PPP6R3: variants seen among roughly 807,000 people sequenced by gnomAD.
PPP6R3 encodes protein phosphatase 6 regulatory subunit 3.
Under a neutral mutation model 110.7 loss-of-function variants are expected in PPP6R3, and 38 were observed. That is an observed-to-expected ratio of 0.34 (90% CI 0.26 to 0.45). The LOEUF is 0.45. Among genes scored for constraint, PPP6R3 ranks in the 20% least tolerant of loss-of-function variants. The pLI is 1.00. For missense variants in PPP6R3, 870 were observed against 1,062.4 expected (o/e 0.82, Z 2.52); for synonymous variants, 369 against 373.5 (o/e 0.99, Z 0.14).
At chr11:68,539,469 C>T (rs1252735501) in intron 3 of PPP6R3, among the ~76,000 whole-genome samples, 3 of 152,202 alleles carry the variant, frequency 2.0e-5, no homozygotes, top group Non-Finnish European at 4.4e-5. Context: ...AGAGCAAATG[C>T]ACCTCCTCTG....
At chr11:68,544,424 A>C (rs1311640448) in intron 3 of PPP6R3, among the ~76,000 whole-genome samples, 1 of 152,210 alleles carries the variant, frequency 6.6e-6, no homozygotes, top group Non-Finnish European at 1.5e-5. Context: ...CATGCAGTGC[A>C]GTTTCCTGGA....
chr11:68,472,096 C>G (rs889953640), intron 1 of PPP6R3, among the ~76,000 whole-genome samples: 1 of 151,988 alleles, frequency 6.6e-6, no homozygotes, highest in African/African-American at 2.4e-5. Flanking sequence ...GAAGACAGCA[C>G]GATTTGTTAT....
chr11:68,551,264 A>T lies in PPP6R3; in HGVS notation c.618+78A>T, dbSNP rs2099373165. The T allele has an allele frequency of 3.7e-6, 4 of 1,069,006 alleles. No homozygotes were observed. The African/African-American group carries it at 6.4e-5, about 17-fold the overall frequency. 66.2% of individuals were successfully genotyped at this position (1,069,006 alleles called of 1,614,324 possible). A position where few individuals can be genotyped will look rare whatever the true frequency, so the allele number is the denominator to read the frequency against. On this transcript the variant is annotated intron_variant, in intron 6 of 23. Transcript: ENST00000393800. ...TGTTTATTGGGCACAGAGCATACTT[A>T]TATTAAATGTGAACATGATCAGAGC... is the stretch of plus-strand genomic sequence containing the variant.
At chr11:68,468,446 C>T (rs2153230282) in intron 1 of PPP6R3, among the ~76,000 whole-genome samples, 1 of 152,324 alleles carries the variant, frequency 6.6e-6, no homozygotes, top group Non-Finnish European at 1.5e-5. Flanking sequence ...CTGTGAATGA[C>T]TGTCCCTTTT....
chr11:68,462,686 A>T (rs1213252453), intron 1 of PPP6R3, among the ~76,000 whole-genome samples: 1 of 152,182 alleles, frequency 6.6e-6, no homozygotes, highest in Non-Finnish European at 1.5e-5. Context: ...GGGAGTCTAG[A>T]ACATTGAACA....
Position 68,519,652 on chromosome 11 carries a change from G to A in PPP6R3, c.-7+1G>A. On this transcript the variant is annotated splice_donor_variant, in intron 2 of 23. Transcript: ENST00000393800. LOFTEE classifies it low-confidence loss of function (5UTR_SPLICE). ...TTAATTTTTAAACTTGGTTTGAAAGGTAAGACCATTACGATTAGCAGGAGT... is the reference window on the plus strand; with the variant it reads ...TTAATTTTTAAACTTGGTTTGAAAGATAAGACCATTACGATTAGCAGGAGT... 1 of 398,528 alleles carries A rather than the reference G, an allele frequency of 2.5e-6. No homozygotes were observed. The highest frequency in any genetic ancestry group is 4.4e-6 in the Non-Finnish European group (1 of 226,022). 24.7% of individuals were successfully genotyped at this position (398,528 alleles called of 1,614,324 possible).
chr11:68,549,488 G>T (rs2099362441), intron 5 of PPP6R3, among the ~76,000 whole-genome samples: 1 of 152,136 alleles, frequency 6.6e-6, no homozygotes, highest in Non-Finnish European at 1.5e-5. Context: ...ATCACTGTGA[G>T]TAAACAGCTG....
chr11:68,534,706 G>T (rs1184133524), intron 2 of PPP6R3, among the ~76,000 whole-genome samples: 8 of 152,118 alleles, frequency 5.3e-5, no homozygotes, highest in Admixed American at 5.2e-4. Flanking sequence ...TTATTTCTTA[G>T]TATTTTTCAT....
At chr11:68,560,186 G>A (rs962546328) in intron 8 of PPP6R3, among the ~76,000 whole-genome samples, 16 of 152,198 alleles carry the variant, frequency 1.1e-4, no homozygotes, top group African/African-American at 3.6e-4. Flanking sequence ...AAGGCAAACA[G>A]AAGGAAAGAA....
At chr11:68,612,928 A>G in intron 23 of PPP6R3, 138 bp from the exon 24 acceptor site, 6 of 1,462,140 alleles carry the variant, frequency 4.1e-6, no homozygotes, top group Non-Finnish European at 5.5e-6. Context: ...TCATTTACAT[A>G]TCATTTTATT....
At chr11:68,612,197 T>G (rs1943818316) in intron 23 of PPP6R3, among the ~76,000 whole-genome samples, 1 of 152,206 alleles carries the variant, frequency 6.6e-6, no homozygotes. Flanking sequence ...TCCAGAAGTC[T>G]CGATTCCTAT....
At chr11:68,532,367 A>G (rs2099245848) in intron 2 of PPP6R3, among the ~76,000 whole-genome samples, 1 of 152,222 alleles carries the variant, frequency 6.6e-6, no homozygotes, top group African/African-American at 2.4e-5. Flanking sequence ...CTGTGACATC[A>G]AGTAACAAAT....
rs1996 is a variant in PPP6R3 at position 68,615,123 on chromosome 11, C to T, written c.*2006C>T. Reference sequence around the variant, plus strand: ...TGGGGCATCATTTTGTTTTGTCTTTCGTAGCAGGGAAAGGATATGACAATG... The same window carrying T: ...TGGGGCATCATTTTGTTTTGTCTTTTGTAGCAGGGAAAGGATATGACAATG... On this transcript the variant is annotated 3_prime_UTR_variant, in exon 24 of 24. Transcript: ENST00000393800. 0.083 allele frequency: 38,281 copies of T among 458,780 alleles called. 1,956 individuals are homozygous for T. The highest frequency in any genetic ancestry group is 0.16 in the Middle Eastern group (495 of 3,080). The allele number at this position is 458,780 out of a possible 1,614,324, so 28.4% of individuals were successfully genotyped here.
At chr11:68,521,978 A>G (rs1409829251) in intron 2 of PPP6R3, among the ~76,000 whole-genome samples, 1 of 152,116 alleles carries the variant, frequency 6.6e-6, no homozygotes, top group East Asian at 1.9e-4. Flanking sequence ...TACATTTTTC[A>G]TCTTTGGAAA....
intron 14 of PPP6R3, among the ~76,000 whole-genome samples, chr11:68,581,120 T>G (rs2099552803): frequency 6.6e-6 from 1 of 152,182 alleles, no homozygotes; most frequent in Non-Finnish European, 1.5e-5. Flanking sequence ...CAGACTCAGA[T>G]GGTGTAGGTA....
At chr11:68,465,220 G>T (rs1387064773) in intron 1 of PPP6R3, among the ~76,000 whole-genome samples, 1 of 152,182 alleles carries the variant, frequency 6.6e-6, no homozygotes, top group Non-Finnish European at 1.5e-5. Flanking sequence ...CCTATTCCCA[G>T]AGAATTAGCC....
intron 1 of PPP6R3, among the ~76,000 whole-genome samples, chr11:68,514,874 C>T (rs1160996827): frequency 6.6e-6 from 1 of 152,214 alleles, no homozygotes; most frequent in East Asian, 1.9e-4. Flanking sequence ...AGTGAGCCAC[C>T]ATGCCTGGCC....
intron 1 of PPP6R3, among the ~76,000 whole-genome samples, chr11:68,464,300 T>G (rs2098730219): frequency 6.6e-6 from 1 of 152,020 alleles, no homozygotes; most frequent in Non-Finnish European, 1.5e-5. Context: ...CCCGGCTGTT[T>G]TTTGTATTTT....
intron 1 of PPP6R3, among the ~76,000 whole-genome samples, chr11:68,493,894 A>C (rs1469808275): frequency 1.3e-5 from 2 of 151,108 alleles, no homozygotes; most frequent in Non-Finnish European, 2.9e-5. Flanking sequence ...CAAGGTAAGG[A>C]GATCAAGACC....
Sources: gnomAD v4.1 joint callset for allele counts (sites outside exome capture counted in the v4.1 genomes callset) on GRCh38, gnomAD v4.1.1 for gene constraint, MANE v1.5 for transcripts, NCBI Gene and HGNC (gene_info 2026-07-23, HGNC 2026-07-21) for gene names.